The following CACNG7 variants were observed in gnomAD, a reference collection of about 807,000 sequenced individuals.
CACNG7 encodes calcium voltage-gated channel auxiliary subunit gamma 7.
A neutral mutation model predicts 26.3 loss-of-function variants in CACNG7; 9 were observed. The ratio of observed to expected loss-of-function variants is 0.34; its 90% CI spans 0.21 to 0.60. CACNG7 has a LOEUF of 0.60. Among genes scored for constraint, CACNG7 ranks in the 20% least tolerant of loss-of-function variants. The pLI, the probability that CACNG7 is intolerant of heterozygous loss-of-function variation, is 0.81. For missense variants in CACNG7, 297 were observed against 380.4 expected, an observed-to-expected ratio of 0.78 and a Z score of 1.82; for synonymous variants, 170 against 157.0, an observed-to-expected ratio of 1.08 and a Z score of -0.62.
rs1333269564 is a variant in CACNG7, at chr19:53,909,758, G to C, written c.-30+241G>C. ...ACTCCTCGCGTCCGAGTCGCAGCGA[G>C]CGTGGGCTGGGGAGGGCAGAGGCCG... On this transcript the variant is annotated intron_variant, in intron 1 of 5. Coordinates refer to ENST00000391767, the MANE Select transcript of CACNG7 (RefSeq NM_031896.5). The surrounding 1 kb of genome is among the most constrained non-coding windows in gnomAD (Gnocchi z 5.1). 1.3e-5 allele frequency among the ~76,000 whole-genome samples: 2 copies of C among 152,120 alleles called. No individual in the cohort carries two copies. The highest frequency in any genetic ancestry group is 2.4e-5 in the African/African-American group (1 of 41,432).
chr19:53,918,086 A>G (rs2068910137), intron 4 of CACNG7, among the ~76,000 whole-genome samples: 1 of 152,232 alleles, frequency 6.6e-6, no homozygotes, highest in African/African-American at 2.4e-5. Flanking sequence ...CAAGGTATCC[A>G]GGCATGTGCT....
At chr19:53,934,171 A>G (rs1050223313) in intron 4 of CACNG7, among the ~76,000 whole-genome samples, 1 of 152,212 alleles carries the variant, frequency 6.6e-6, no homozygotes, top group Non-Finnish European at 1.5e-5. Context: ...TGCTGGGATG[A>G]CAGGCGTGAG....
intron 4 of CACNG7, among the ~76,000 whole-genome samples, chr19:53,922,415 G>C (rs1287744745): frequency 3.3e-5 from 4 of 122,058 alleles, no homozygotes; most frequent in Admixed American, 7.7e-5. Flanking sequence ...GTCATTGGTG[G>C]AGTTGTCCCA....
At chr19:53,931,951 T>C (rs1398326022) in intron 4 of CACNG7, among the ~76,000 whole-genome samples, 1 of 151,142 alleles carries the variant, frequency 6.6e-6, no homozygotes, top group Admixed American at 6.6e-5. Flanking sequence ...TTAGTAGAGA[T>C]GGAGTTTCAC....
At chr19:53,926,233 CA>C (rs1388758382) in intron 4 of CACNG7, among the ~76,000 whole-genome samples, 2 of 152,156 alleles carry the variant, frequency 1.3e-5, no homozygotes, top group Non-Finnish European at 2.9e-5. Context: ...GTCTGTCCTC[CA>C]ACGTCTTCTA....
At chr19:53,937,120 C>A (rs2069109873) in intron 4 of CACNG7, among the ~76,000 whole-genome samples, 1 of 152,086 alleles carries the variant, frequency 6.6e-6, no homozygotes, top group African/African-American at 2.4e-5. Context: ...GAGCTGCTGA[C>A]CTCAAGTGAT....
chr19:53,933,661 A>ATT (rs1171591694), intron 4 of CACNG7, among the ~76,000 whole-genome samples: 24 of 136,254 alleles, frequency 1.8e-4, no homozygotes, highest in African/African-American at 3.8e-4. Context: ...TGCAGGTTTG[A>ATT]TTTTTTTTTT....
Position 53,942,120 on chromosome 19 carries a change from C to T in CACNG7, c.655C>T (p.Pro219Ser), listed in dbSNP as rs750341531. The T allele has an allele frequency of 6.2e-7, 1 of 1,614,014 alleles. No homozygotes were observed. ...MYRPHPAFYR[P>S]RLSDCSDYSG... ...CCGTCCACACCCGGCCTTCTACCGCCCGCGTCTCAGCGACTGCTCCGACTA... is the reference window on the plus strand; with the variant it reads ...CCGTCCACACCCGGCCTTCTACCGCTCGCGTCTCAGCGACTGCTCCGACTA... The change falls in exon 6 of 6, where the codon CCG becomes TCG. Residue 219 changes from proline (P) to serine (S), a missense_variant. By Grantham distance (74) the Pro-to-Ser change is moderately conservative (BLOSUM62 -1). Transcript: ENST00000391767. This position sits in a 1 kb window ranked among gnomAD's most constrained non-coding sequence, Gnocchi z 5.9.
At chr19:53,938,685 C>T (rs1222824324) in intron 4 of CACNG7, among the ~76,000 whole-genome samples, 1 of 152,092 alleles carries the variant, frequency 6.6e-6, no homozygotes, top group Non-Finnish European at 1.5e-5. Flanking sequence ...CAGTGGCTCA[C>T]GCCTGTAATC....
chr19:53,933,651 T>G (rs2069087616), intron 4 of CACNG7, among the ~76,000 whole-genome samples: 3 of 151,680 alleles, frequency 2.0e-5, no homozygotes, highest in African/African-American at 7.3e-5. Context: ...CTTAGATGGA[T>G]GCAGGTTTGA....
chr19:53,914,205 T>C (rs112812412), intron 2 of CACNG7, among the ~76,000 whole-genome samples: 86,312 of 149,556 alleles, frequency 0.58, 27,125 homozygotes, highest in African/African-American at 0.86. Flanking sequence ...ACCTGGGAGG[T>C]AGAGGTTGTG....
chr19:53,939,122 T>C lies in CACNG7; in HGVS notation c.425-2348T>C, dbSNP rs528775194. Among the ~76,000 whole-genome samples the C allele has an allele frequency of 8.5e-5, 13 of 152,188 alleles. No homozygotes were observed. Among genetic ancestry groups the C allele is most frequent in the South Asian group, 6.2e-4 (3 of 4,818 alleles). On this transcript the variant is annotated intron_variant, in intron 4 of 5. Transcript: ENST00000391767. This position sits in a 1 kb window ranked among gnomAD's most constrained non-coding sequence, Gnocchi z 4.2. ...AAATACAAAAATTAGCCAGGCATGGTGGCGGGTGCCTGTTAATTCCAGCTA... is the reference window on the plus strand; with the variant it reads ...AAATACAAAAATTAGCCAGGCATGGCGGCGGGTGCCTGTTAATTCCAGCTA...
intron 1 of CACNG7, among the ~76,000 whole-genome samples, chr19:53,911,462 G>A (rs1348704219): frequency 1.3e-5 from 2 of 152,180 alleles, no homozygotes; most frequent in East Asian, 1.9e-4. Context: ...CTGTGAAGAT[G>A]TTCCAGGATT....
chr19:53,925,190 GT>G (rs1204369402), intron 4 of CACNG7, among the ~76,000 whole-genome samples: 1 of 135,302 alleles, frequency 7.4e-6, no homozygotes, highest in African/African-American at 3.1e-5. Flanking sequence ...GTTGCCCCAG[GT>G]CTGGTCATTG....
At chr19:53,938,413 G>C (rs1020660973) in intron 4 of CACNG7, among the ~76,000 whole-genome samples, 3 of 152,146 alleles carry the variant, frequency 2.0e-5, no homozygotes, top group Non-Finnish European at 2.9e-5. Context: ...ACTGATCAGA[G>C]ATGGTGTGGG....
In CACNG7 at chr19:53,915,478, G is replaced by A; in HGVS notation, c.397G>A (p.Val133Ile). The A allele has an allele frequency of 6.2e-7, 1 of 1,614,160 alleles. No individual in the cohort carries two copies. The highest frequency in any genetic ancestry group is 8.5e-7 in the Non-Finnish European group (1 of 1,180,038). Residue 133 changes from valine to isoleucine, a missense_variant, in exon 4 of 6, where the codon GTC (valine) becomes ATC (isoleucine). Val to Ile is a conservative substitution (Grantham distance 29, BLOSUM62 3). Coordinates refer to ENST00000391767, the MANE Select transcript of CACNG7 (RefSeq NM_031896.5). Reference protein sequence around the residue: ...IRPQRTILAFVSGIFFILSGL... With the variant: ...IRPQRTILAFISGIFFILSGL... Reference sequence around the variant, plus strand: ...CCCGCAGAGGACCATTCTGGCTTTTGTCTCTGGCATCTTCTTCATACTATC... The same window carrying A: ...CCCGCAGAGGACCATTCTGGCTTTTATCTCTGGCATCTTCTTCATACTATC...
At chr19:53,934,928 T>A (rs947395582) in intron 4 of CACNG7, among the ~76,000 whole-genome samples, 1 of 152,082 alleles carries the variant, frequency 6.6e-6, no homozygotes, top group African/African-American at 2.4e-5. Context: ...CAATGAACTC[T>A]CATATCCTTC....
chr19:53,919,245 G>A (rs1016118085), intron 4 of CACNG7, among the ~76,000 whole-genome samples: 4 of 152,228 alleles, frequency 2.6e-5, no homozygotes, highest in African/African-American at 9.6e-5. Context: ...ACTTGGAATG[G>A]AATAGCCTGG....
Position 53,942,356 on chromosome 19 carries a change from A to T in CACNG7, c.*63A>T. The T allele has an allele frequency of 6.5e-7, 1 of 1,549,754 alleles. No homozygotes were observed. The highest frequency in any genetic ancestry group is 8.7e-7 in the Non-Finnish European group (1 of 1,148,506). On this transcript the variant is annotated 3_prime_UTR_variant, in exon 6 of 6. Transcript: ENST00000391767. This position sits in a 1 kb window ranked among gnomAD's most constrained non-coding sequence, Gnocchi z 5.9. Reference sequence around the variant, plus strand: ...CCTCGTCTTAGGGGGGTCTCCCTGCAATGCAGCGCCCCCTTCCGTCCTCGG... The same window carrying T: ...CCTCGTCTTAGGGGGGTCTCCCTGCTATGCAGCGCCCCCTTCCGTCCTCGG...
Sources: allele counts gnomAD v4.1 joint callset (sites outside exome capture counted in the v4.1 genomes callset), GRCh38; gene constraint gnomAD v4.1.1; non-coding constraint Gnocchi (gnomAD v3.1); transcripts MANE v1.5; gene names NCBI Gene and HGNC (gene_info 2026-07-23, HGNC 2026-07-21).